The following OR9Q1 variants were observed in gnomAD, a reference collection of about 807,000 sequenced individuals.
The protein encoded by OR9Q1 is olfactory receptor 9Q1.
For synonymous variants in OR9Q1, 153 were observed against 148.6 expected, an observed-to-expected ratio of 1.03 and a Z score of -0.22; for missense variants, 374 against 378.8, an observed-to-expected ratio of 0.99 and a Z score of 0.11.
chr11:58,128,778 CAT>C (rs1313552870), intron 2 of OR9Q1, among the ~76,000 whole-genome samples: 1 of 151,994 alleles, frequency 6.6e-6, no homozygotes, highest in African/African-American at 2.4e-5. Flanking sequence ...TTAAAAATTC[CAT>C]ATGTCAAAAC....
At chr11:58,046,929 G>A (rs982287436) in intron 1 of OR9Q1, among the ~76,000 whole-genome samples, 7 of 152,098 alleles carry the variant, frequency 4.6e-5, no homozygotes, top group African/African-American at 1.4e-4. Context: ...TCTGGGAAAG[G>A]ACTAATGGGA....
chr11:58,034,573 G>T (rs1249137471), intron 1 of OR9Q1, among the ~76,000 whole-genome samples: 1 of 151,980 alleles, frequency 6.6e-6, no homozygotes, highest in Non-Finnish European at 1.5e-5. Flanking sequence ...ATCATCGGTG[G>T]TTGCTTTTGT....
At chr11:58,062,886 C>G (rs1014923844) in intron 2 of OR9Q1, among the ~76,000 whole-genome samples, 1 of 152,130 alleles carries the variant, frequency 6.6e-6, no homozygotes, top group Non-Finnish European at 1.5e-5. Flanking sequence ...CTTGAGGCTG[C>G]GTTGTTCTGC....
At chr11:58,053,738 A>T (rs1385083678) in intron 1 of OR9Q1, among the ~76,000 whole-genome samples, 1 of 143,416 alleles carries the variant, frequency 7.0e-6, no homozygotes, top group Admixed American at 7.2e-5. Context: ...AGTGTATTCT[A>T]ACTCTTCATG....
intron 2 of OR9Q1, among the ~76,000 whole-genome samples, chr11:58,091,347 T>G (rs1853682612): frequency 6.6e-6 from 1 of 152,194 alleles, no homozygotes; most frequent in Admixed American, 6.5e-5. Flanking sequence ...TGTTGTCTCT[T>G]TGTTCTCACT....
At chr11:58,130,612 C>T (rs778966410) in intron 2 of OR9Q1, among the ~76,000 whole-genome samples, 10 of 151,846 alleles carry the variant, frequency 6.6e-5, no homozygotes, top group Admixed American at 2.0e-4. Flanking sequence ...GCCTACATGG[C>T]GAAACCCCAT....
chr11:58,056,278 C>T (rs1853327282), intron 2 of OR9Q1, among the ~76,000 whole-genome samples: 1 of 152,168 alleles, frequency 6.6e-6, no homozygotes, highest in Non-Finnish European at 1.5e-5. Flanking sequence ...AGAGCCAGTT[C>T]TCTCTGTTGG....
At chr11:58,091,384 C>T (rs545973176) in intron 2 of OR9Q1, among the ~76,000 whole-genome samples, 1 of 152,126 alleles carries the variant, frequency 6.6e-6, no homozygotes, top group South Asian at 2.1e-4. Context: ...TTTGTTTCTG[C>T]CTTAATTTTG....
chr11:58,070,262 C>T (rs953101543), intron 2 of OR9Q1, among the ~76,000 whole-genome samples: 4 of 151,792 alleles, frequency 2.6e-5, no homozygotes, highest in South Asian at 2.1e-4. Flanking sequence ...GTGATCTGCT[C>T]GCCTTGGCCT....
chr11:58,106,308 A>G (rs894442635), intron 2 of OR9Q1, among the ~76,000 whole-genome samples: 1 of 151,856 alleles, frequency 6.6e-6, no homozygotes, highest in Non-Finnish European at 1.5e-5. Context: ...GTATAGATAT[A>G]TATTCAGTTC....
chr11:58,094,696 C>G (rs1259270921), intron 2 of OR9Q1, among the ~76,000 whole-genome samples: 1 of 152,076 alleles, frequency 6.6e-6, no homozygotes, highest in Non-Finnish European at 1.5e-5. Context: ...GCTATTAGAA[C>G]CAATATTTTA....
At chr11:58,115,986 A>G (rs1853950655) in intron 2 of OR9Q1, among the ~76,000 whole-genome samples, 1 of 152,090 alleles carries the variant, frequency 6.6e-6, no homozygotes, top group African/African-American at 2.4e-5. Context: ...ATATATCCCT[A>G]TATTGTGACT....
At chr11:58,106,276 T>G (rs530445604) in intron 2 of OR9Q1, among the ~76,000 whole-genome samples, 2 of 152,182 alleles carry the variant, frequency 1.3e-5, no homozygotes, top group South Asian at 4.1e-4. Context: ...ATATACCTGT[T>G]GGCTGTTTGT....
chr11:58,032,245 T>TAC (rs907301706), intron 1 of OR9Q1, among the ~76,000 whole-genome samples: 16 of 152,104 alleles, frequency 1.1e-4, no homozygotes, highest in South Asian at 4.2e-4. Context: ...TTCACAGAAT[T>TAC]AGAAAAAACA....
intron 2 of OR9Q1, among the ~76,000 whole-genome samples, chr11:58,062,784 T>A (rs1293033340): frequency 1.3e-5 from 2 of 152,200 alleles, no homozygotes; most frequent in African/African-American, 2.4e-5. Context: ...AACAAAAAAC[T>A]AGAAAAAGCA....
chr11:58,142,436 G>A (rs1263835703), intron 2 of OR9Q1, among the ~76,000 whole-genome samples: 1 of 152,038 alleles, frequency 6.6e-6, no homozygotes, highest in East Asian at 1.9e-4. Flanking sequence ...TCATTGTTCT[G>A]GGAGAAGATC....
intron 2 of OR9Q1, among the ~76,000 whole-genome samples, chr11:58,177,011 C>T (rs1854612642): frequency 6.6e-6 from 1 of 152,146 alleles, no homozygotes; most frequent in Admixed American, 6.5e-5. Flanking sequence ...TTTCTTGGTT[C>T]CTGCTCCATT....
chr11:58,040,059 C>A (rs907635619), intron 1 of OR9Q1, among the ~76,000 whole-genome samples: 1 of 152,112 alleles, frequency 6.6e-6, no homozygotes, highest in African/African-American at 2.4e-5. Context: ...AACTGAGGGA[C>A]AGAGAAGCTA....
At chr11:58,154,901 G>T (rs912816035) in intron 2 of OR9Q1, among the ~76,000 whole-genome samples, 1 of 152,202 alleles carries the variant, frequency 6.6e-6, no homozygotes, top group African/African-American at 2.4e-5. Flanking sequence ...TGAGCTGTTA[G>T]GTGCTTGCTT....
Sources: allele counts gnomAD v4.1 joint callset (sites outside exome capture counted in the v4.1 genomes callset), GRCh38; gene constraint gnomAD v4.1.1; transcripts MANE v1.5; gene names NCBI Gene and HGNC (gene_info 2026-07-23, HGNC 2026-07-21).